The following B4GALNT3 variants were observed in gnomAD, a reference collection of about 807,000 sequenced individuals.
B4GALNT3 encodes beta-1,4-N-acetyl-galactosaminyltransferase 3, also known as beta-1,4-N-acetylgalactosaminyltransferase 3.
Under a neutral mutation model 120.2 loss-of-function variants are expected in B4GALNT3, and 86 were observed. The ratio of observed to expected loss-of-function variants is 0.72; its 90% CI spans 0.60 to 0.86. The LOEUF (loss-of-function observed/expected upper bound fraction) is 0.86, where lower values mean the gene tolerates loss of function less well. B4GALNT3 is among the 40% of genes least tolerant of loss of function. The pLI is 0.00. For missense variants in B4GALNT3, 1,167 were observed against 1,298.9 expected (o/e 0.90, Z 1.56); for synonymous variants, 518 against 510.4 (o/e 1.01, Z -0.20).
At chr12:547,905 A>G (rs917667) in intron 7 of B4GALNT3, 119 bp from the exon 8 acceptor site, 329,696 of 833,138 alleles carry the variant, frequency 0.4, 67,022 homozygotes, top group South Asian at 0.5. Flanking sequence ...AACTCCTGGC[A>G]TTCTAAGAGC....
At position 555,915 on chromosome 12, in the gene B4GALNT3, C is replaced by T. The variant is rs1483536721; in HGVS notation, c.2061-632C>T. On this transcript the variant is annotated intron_variant, in intron 14 of 19. Transcript: ENST00000266383. Reference sequence around the variant, plus strand: ...TCTCCTGCCTCAGCCTCCTGAGTAGCTGGAACTACAGGTGCCCACCACCAC... The same window carrying T: ...TCTCCTGCCTCAGCCTCCTGAGTAGTTGGAACTACAGGTGCCCACCACCAC... 5.9e-5 allele frequency among the ~76,000 whole-genome samples: 9 copies of T among 152,004 alleles called. No individual in the cohort carries two copies. In the East Asian group the frequency reaches 1.7e-3, roughly 29 times the overall value.
At chr12:500,590 G>A (rs996277128) in intron 1 of B4GALNT3, among the ~76,000 whole-genome samples, 1 of 152,096 alleles carries the variant, frequency 6.6e-6, no homozygotes, top group Non-Finnish European at 1.5e-5. Context: ...CACACCTTCC[G>A]GTCATTCCAC....
At chr12:513,140 C>G (rs1352755302) in intron 1 of B4GALNT3, among the ~76,000 whole-genome samples, 8 of 145,800 alleles carry the variant, frequency 5.5e-5, no homozygotes, top group African/African-American at 1.8e-4. Flanking sequence ...TTCCACCTTC[C>G]ACCTTCGACC....
intron 13 of B4GALNT3, chr12:552,884 C>T (rs188194251): frequency 2.8e-5 from 14 of 496,032 alleles, no homozygotes; most frequent in South Asian, 7.9e-5. Context: ...GGGATTAGGG[C>T]GTGGCTGGGA....
intron 1 of B4GALNT3, among the ~76,000 whole-genome samples, chr12:493,664 A>G (rs994851307): frequency 2.0e-5 from 3 of 151,878 alleles, no homozygotes; most frequent in Non-Finnish European, 4.4e-5. Flanking sequence ...TTTTGAAAAC[A>G]ATGAGAGCAT....
chr12:556,077 CT>C (rs1206834108), intron 14 of B4GALNT3, among the ~76,000 whole-genome samples: 49 of 152,206 alleles, frequency 3.2e-4, no homozygotes, highest in East Asian at 1.9e-4. Context: ...GCCACTGCAC[CT>C]GGCATTGTGT....
At chr12:560,656 C>T (rs1336374743) in intron 19 of B4GALNT3, among the ~76,000 whole-genome samples, 1 of 152,234 alleles carries the variant, frequency 6.6e-6, no homozygotes, top group South Asian at 2.1e-4. Context: ...GCCCCCAGGG[C>T]AGCTGGAAGC....
intron 1 of B4GALNT3, among the ~76,000 whole-genome samples, chr12:495,716 G>A (rs148936455): frequency 1.1e-4 from 17 of 152,272 alleles, no homozygotes; most frequent in African/African-American, 3.9e-4. Flanking sequence ...TGGTAGCCCT[G>A]ACTCTGCTGG....
intron 5 of B4GALNT3, 139 bp downstream of exon 5, chr12:545,111 CAT>C: frequency 6.9e-7 from 1 of 1,455,350 alleles, no homozygotes; most frequent in Non-Finnish European, 9.1e-7. Context: ...GAAATTGAGT[CAT>C]ATTGCGGTCT....
chr12:460,868 GC>G lies in B4GALNT3; in HGVS notation c.169+327del, dbSNP rs1300575348. The stretch of plus-strand genomic sequence containing the variant: ...CCGCCGAGACGCTGGCGGAGACCGG[GC>G]CCCTCCAGCCGCTCCGGGCTTGCGG... On this transcript the variant is annotated intron_variant, in intron 1 of 19. Coordinates refer to ENST00000266383, the MANE Select transcript of B4GALNT3 (RefSeq NM_173593.4). This position sits in a 1 kb window ranked among gnomAD's most constrained non-coding sequence, Gnocchi z 8.0. Among the ~76,000 whole-genome samples the G allele has an allele frequency of 6.6e-6, 1 of 152,130 alleles. No individual in the cohort carries two copies. Among genetic ancestry groups the G allele is most frequent in the Non-Finnish European group, 1.5e-5 (1 of 68,004 alleles).
chr12:544,078 G>A (rs1216605139), intron 3 of B4GALNT3, among the ~76,000 whole-genome samples: 1 of 117,816 alleles, frequency 8.5e-6, no homozygotes, highest in African/African-American at 3.4e-5. Context: ...AGGAGCTGGG[G>A]CGGGCATGGG....
chr12:553,603 G>GGCCC lies in B4GALNT3; in HGVS notation c.1680_1681insGCCC (p.Trp561AlafsTer17). The GGCCC allele has an allele frequency of 6.2e-7, 1 of 1,614,040 alleles. No homozygotes were observed. Among genetic ancestry groups the GGCCC allele is most frequent in the Non-Finnish European group, 8.5e-7 (1 of 1,179,914 alleles). ...CTGGTGACAGCCCCAGGAAGACTCA[G>GGCCC]TGGCTGAACCAGGTGGAGTCGTACA... is the stretch of plus-strand genomic sequence containing the variant. On this transcript the variant is annotated frameshift_variant, in exon 14 of 20. Coordinates refer to ENST00000266383, the MANE Select transcript of B4GALNT3 (RefSeq NM_173593.4). LOFTEE classifies it high-confidence loss of function.
rs139968957 is a variant in B4GALNT3 at position 532,920 on chromosome 12, G to A, written c.170-2246G>A. Among the ~76,000 whole-genome samples, 209 of 152,342 alleles carry A rather than the reference G, an allele frequency of 1.4e-3. 1 individual carries two copies. The highest frequency in any genetic ancestry group is 4.6e-3 in the African/African-American group (193 of 41,582). ...AAGGACTTTGGCTGAGCTGAAGACC[G>A]TCTTCGAGAAGGAATGTGCACCTGA... On this transcript the variant is annotated intron_variant, in intron 1 of 19. Coordinates refer to ENST00000266383, the MANE Select transcript of B4GALNT3 (RefSeq NM_173593.4).
chr12:526,021 G>A (rs890159449), intron 1 of B4GALNT3, among the ~76,000 whole-genome samples: 1 of 152,218 alleles, frequency 6.6e-6, no homozygotes, highest in Non-Finnish European at 1.5e-5. Context: ...TAGCCCTGAT[G>A]TCTAATGAGT....
intron 13 of B4GALNT3, 75 bp downstream of exon 13, chr12:552,603 A>G (rs1947098402): frequency 6.9e-7 from 1 of 1,451,176 alleles, no homozygotes; most frequent in Non-Finnish European, 9.5e-7. Flanking sequence ...GGATGTTCAG[A>G]CCGTGCCAGC....
In B4GALNT3 at chr12:487,570, C is replaced by T. The variant is rs148340015; in HGVS notation, c.169+27025C>T. On this transcript the variant is annotated intron_variant, in intron 1 of 19. Coordinates refer to ENST00000266383, the MANE Select transcript of B4GALNT3 (RefSeq NM_173593.4). Reference sequence around the variant, plus strand: ...TCTACTAAAAATACAAAAACTAGCCCGGTGTAGTGGCGCATGCCTGTAGTC... The same window carrying T: ...TCTACTAAAAATACAAAAACTAGCCTGGTGTAGTGGCGCATGCCTGTAGTC... 4.8e-3 allele frequency among the ~76,000 whole-genome samples: 725 copies of T among 151,836 alleles called. 6 individuals carry two copies. The highest frequency in any genetic ancestry group is 0.016 in the African/African-American group (666 of 41,420).
At chr12:518,272 A>G (rs10047549) in intron 1 of B4GALNT3, among the ~76,000 whole-genome samples, 128,493 of 152,214 alleles carry the variant, frequency 0.84, 54,324 homozygotes, top group African/African-American at 0.87. Context: ...CTCAGAGCCA[A>G]ACAAGGCAGC....
chr12:463,234 T>C (rs558058257), intron 1 of B4GALNT3, among the ~76,000 whole-genome samples: 1 of 152,338 alleles, frequency 6.6e-6, no homozygotes, highest in East Asian at 1.9e-4. Flanking sequence ...TATGGAGAGA[T>C]GGCAGTCACA....
At chr12:545,126 T>C in intron 5 of B4GALNT3, 154 bp downstream of exon 5, 13 of 1,451,766 alleles carry the variant, frequency 9.0e-6, no homozygotes, top group Non-Finnish European at 1.2e-5. Context: ...TGCGGTCTTG[T>C]CCAACTCCCA....
Sources: allele counts gnomAD v4.1 joint callset (sites outside exome capture counted in the v4.1 genomes callset), GRCh38; gene constraint gnomAD v4.1.1; non-coding constraint Gnocchi (gnomAD v3.1); transcripts MANE v1.5; gene names NCBI Gene and HGNC (gene_info 2026-07-23, HGNC 2026-07-21).